The following SETBP1 variants were observed in gnomAD, a reference collection of about 807,000 sequenced individuals.
The protein encoded by SETBP1 is SET binding protein 1.
SETBP1 carries 9 observed loss-of-function variants against 101.0 expected under a neutral mutation model. That is an observed-to-expected ratio of 0.09 (90% confidence interval 0.05 to 0.16). The LOEUF (loss-of-function observed/expected upper bound fraction) is 0.16, where lower values mean the gene tolerates loss of function less well. SETBP1 is among the 10% of genes least tolerant of loss of function. SETBP1 has a pLI of 1.00. For missense variants in SETBP1, 1,858 were observed against 2,033.8 expected (o/e 0.91, Z 1.66); for synonymous variants, 818 against 788.5 (o/e 1.04, Z -0.63).
intron 2 of SETBP1, among the ~76,000 whole-genome samples, chr18:44,800,948 G>A (rs1295620759): frequency 6.6e-6 from 1 of 152,136 alleles, no homozygotes. Flanking sequence ...ATACTATGCA[G>A]CCATAAAAAA....
chr18:44,755,419 A>T (rs2070469796), intron 2 of SETBP1, among the ~76,000 whole-genome samples: 1 of 152,142 alleles, frequency 6.6e-6, no homozygotes, highest in African/African-American at 2.4e-5. Flanking sequence ...GCTAGGACAA[A>T]GTAGGAGGAG....
intron 4 of SETBP1, among the ~76,000 whole-genome samples, chr18:44,971,626 G>A (rs2071861979): frequency 6.6e-6 from 1 of 152,208 alleles, no homozygotes; most frequent in Non-Finnish European, 1.5e-5. Context: ...CTGATGACCA[G>A]TGATGACGAG....
chr18:44,784,115 T>G (rs1599121932), intron 2 of SETBP1, among the ~76,000 whole-genome samples: 2 of 152,292 alleles, frequency 1.3e-5, no homozygotes, highest in South Asian at 4.1e-4. Flanking sequence ...GCACTAAAAA[T>G]TATGTTTTGA....
At chr18:44,812,846 T>A (rs190324106) in intron 2 of SETBP1, among the ~76,000 whole-genome samples, 10 of 152,256 alleles carry the variant, frequency 6.6e-5, no homozygotes, top group Non-Finnish European at 1.2e-4. Context: ...GAGAAAATGC[T>A]ACACTTCAGC....
At chr18:44,815,775 G>C (rs1157933578) in intron 2 of SETBP1, among the ~76,000 whole-genome samples, 1 of 152,166 alleles carries the variant, frequency 6.6e-6, no homozygotes, top group Non-Finnish European at 1.5e-5. Flanking sequence ...CCAGGCAGAT[G>C]AGGAAACTGA....
intron 2 of SETBP1, among the ~76,000 whole-genome samples, chr18:44,828,234 C>A (rs770546686): frequency 6.6e-6 from 1 of 151,950 alleles, no homozygotes; most frequent in Non-Finnish European, 1.5e-5. Context: ...TGACAGGGCC[C>A]CAGGGATCTC....
At chr18:44,941,254 T>G (rs1599353309) in intron 3 of SETBP1, among the ~76,000 whole-genome samples, 1 of 152,062 alleles carries the variant, frequency 6.6e-6, no homozygotes, top group African/African-American at 2.4e-5. Context: ...GCTAAATTTT[T>G]TTTGTATTTT....
At position 44,773,593 on chromosome 18, in the gene SETBP1, G is replaced by A. The variant is rs868441976; in HGVS notation, c.486+71761G>A. Reference sequence around the variant, plus strand: ...CTTCTTGCTCCTAGAATATAGAGAAGTGGTAGTGGGATATTAGAGTTCCAC... The same window carrying A: ...CTTCTTGCTCCTAGAATATAGAGAAATGGTAGTGGGATATTAGAGTTCCAC... On this transcript the variant is annotated intron_variant, in intron 2 of 5. Transcript: ENST00000649279. Among the ~76,000 whole-genome samples, 7 of 152,294 alleles carry A rather than the reference G, an allele frequency of 4.6e-5. 1 individual carries two copies. In the Middle Eastern group the frequency reaches 0.02, roughly 444 times the overall value.
chr18:44,910,567 C>T (rs768964383), intron 3 of SETBP1, among the ~76,000 whole-genome samples: 25 of 152,126 alleles, frequency 1.6e-4, no homozygotes, highest in Non-Finnish European at 3.1e-4. Context: ...GTCAGTGATA[C>T]GGGCCAGTGT....
chr18:44,862,865 G>A (rs2069045859), intron 2 of SETBP1, among the ~76,000 whole-genome samples: 1 of 152,132 alleles, frequency 6.6e-6, no homozygotes, highest in Non-Finnish European at 1.5e-5. Context: ...GTGCTGGCAG[G>A]GTAGGGCCAA....
rs557617106 is a variant in SETBP1 at position 45,031,079 on chromosome 18, T to G, written c.4001-7406T>G. Among the ~76,000 whole-genome samples, 112 of 152,084 alleles carry G rather than the reference T, an allele frequency of 7.4e-4. 1 individual carries two copies. The highest frequency in any genetic ancestry group is 2.6e-3 in the African/African-American group (107 of 41,528). On this transcript the variant is annotated intron_variant, in intron 4 of 5. Coordinates refer to ENST00000649279, the MANE Select transcript of SETBP1 (RefSeq NM_015559.3). Reference sequence around the variant, plus strand: ...CTTTTGAATGTGTTTGCTCTTGCTTTTCTAGTTCTTTTAATTGTGATGTTA... The same window carrying G: ...CTTTTGAATGTGTTTGCTCTTGCTTGTCTAGTTCTTTTAATTGTGATGTTA...
chr18:44,829,266 T>C (rs934732304), intron 2 of SETBP1, among the ~76,000 whole-genome samples: 6 of 152,198 alleles, frequency 3.9e-5, no homozygotes, highest in African/African-American at 1.4e-4. Context: ...TTTCTCAAGA[T>C]TGCAAGCTCA....
intron 3 of SETBP1, among the ~76,000 whole-genome samples, chr18:44,911,941 C>CA (rs2070319496): frequency 6.7e-6 from 1 of 149,932 alleles, no homozygotes; most frequent in Non-Finnish European, 1.5e-5. Context: ...ATACACACAC[C>CA]CACACACACA....
chr18:44,681,485 T>TA (rs950867972), intron 1 of SETBP1, among the ~76,000 whole-genome samples: 4 of 151,980 alleles, frequency 2.6e-5, no homozygotes. Context: ...ATGCTGGTTC[T>TA]AAAAAAATAA....
intron 2 of SETBP1, among the ~76,000 whole-genome samples, chr18:44,767,210 C>A (rs951227478): frequency 1.3e-5 from 2 of 152,228 alleles, no homozygotes; most frequent in Non-Finnish European, 2.9e-5. Flanking sequence ...ACAGATGATG[C>A]GCTCATCTGC....
Position 44,715,270 on chromosome 18 carries a change from A to G in SETBP1, c.486+13438A>G, listed in dbSNP as rs148786754. ...CCCACAGCGCCTTTCTTGACTGCCC[A>G]TAGCCGTATCCCTGCTAGAAAACAC... On this transcript the variant is annotated intron_variant, in intron 2 of 5. Transcript: ENST00000649279. 2.0e-3 allele frequency among the ~76,000 whole-genome samples: 312 copies of G among 152,344 alleles called. 1 individual carries two copies. Among genetic ancestry groups the G allele is most frequent in the African/African-American group, 7.0e-3 (293 of 41,586 alleles).
intron 5 of SETBP1, among the ~76,000 whole-genome samples, chr18:45,056,660 G>C (rs1299240209): frequency 6.6e-6 from 1 of 152,226 alleles, no homozygotes; most frequent in Non-Finnish European, 1.5e-5. Flanking sequence ...AGGGGCAGGA[G>C]AGCACTAGGC....
At position 44,951,771 on chromosome 18, in the gene SETBP1, A is replaced by T. The variant is rs1159193350; in HGVS notation, c.2431A>T (p.Ile811Phe). The T allele has an allele frequency of 6.2e-7, 1 of 1,614,132 alleles. No individual in the cohort carries two copies. Among genetic ancestry groups the T allele is most frequent in the Non-Finnish European group, 8.5e-7 (1 of 1,180,036 alleles). ...GAAAACTATGCCAAATCTCCAGCCCATCAGTGCTCTTCCAACCAAAACCCA... is the reference window on the plus strand; with the variant it reads ...GAAAACTATGCCAAATCTCCAGCCCTTCAGTGCTCTTCCAACCAAAACCCA... ...ELKTMPNLQP[I>F]SALPTKTQKG... Residue 811 changes from isoleucine to phenylalanine, a missense_variant, in exon 4 of 6, where the codon ATC (isoleucine) becomes TTC (phenylalanine). Ile to Phe is a conservative substitution (Grantham distance 21, BLOSUM62 0). Around this residue, in one of 12 missense-constraint regions of SETBP1, gnomAD observed 121 missense variants for 138.0 expected, o/e 0.88. Transcript: ENST00000649279. This position sits in a 1 kb window ranked among gnomAD's most constrained non-coding sequence, Gnocchi z 7.8.
intron 3 of SETBP1, among the ~76,000 whole-genome samples, chr18:44,942,013 G>A (rs756083171): frequency 1.3e-3 from 203 of 152,234 alleles, no homozygotes; most frequent in Middle Eastern, 3.4e-3. Flanking sequence ...TCTGGATATT[G>A]TGGATGCTAT....
Sources: gnomAD v4.1 joint callset for allele counts (sites outside exome capture counted in the v4.1 genomes callset) on GRCh38, gnomAD v4.1.1 for gene constraint, gnomAD v4.1.1 regional missense constraint, Gnocchi (gnomAD v3.1) non-coding constraint, MANE v1.5 for transcripts, NCBI Gene and HGNC (gene_info 2026-07-23, HGNC 2026-07-21) for gene names.